The following PKP4 variants were observed in gnomAD, a reference collection of about 807,000 sequenced individuals.
The protein encoded by PKP4 is plakophilin 4.
Under a neutral mutation model 145.1 loss-of-function variants are expected in PKP4, and 90 were observed. The observed-to-expected ratio is 0.62, with a 90% CI of 0.52 to 0.74. The LOEUF is 0.74. Among genes scored for constraint, PKP4 ranks in the 30% least tolerant of loss-of-function variants. PKP4 has a pLI of 0.00. For synonymous variants in PKP4, 563 were observed against 577.2 expected (o/e 0.98, Z 0.35); for missense variants, 1,340 against 1,482.7 (o/e 0.90, Z 1.58).
At chr2:158,661,501 C>G (rs1372634405) in intron 13 of PKP4, 51 bp downstream of exon 13, 1 of 1,128,110 alleles carries the variant, frequency 8.9e-7, no homozygotes, top group Admixed American at 1.7e-5. Context: ...GACCATGATG[C>G]CTGGTGCCAC....
At position 158,470,183 on chromosome 2, in the gene PKP4, G is replaced by A. The variant is rs752799895; in HGVS notation, c.-6+12965G>A. On this transcript the variant is annotated intron_variant, in intron 1 of 21. Transcript: ENST00000389759. ...GTATTCCTAACATATAGTAAGCAACGATGCTTTCTTTGAGTGAATGAATAC... is the reference window on the plus strand; with the variant it reads ...GTATTCCTAACATATAGTAAGCAACAATGCTTTCTTTGAGTGAATGAATAC... 7.3e-5 allele frequency among the ~76,000 whole-genome samples: 11 copies of A among 150,094 alleles called. No individual in the cohort carries two copies. In the East Asian group the frequency reaches 1.4e-3, roughly 18 times the overall value.
At chr2:158,509,947 C>CAAAAA (rs11404706) in intron 1 of PKP4, among the ~76,000 whole-genome samples, 2 of 134,182 alleles carry the variant, frequency 1.5e-5, no homozygotes, top group Non-Finnish European at 3.2e-5. Flanking sequence ...AACTCCATCT[C>CAAAAA]AAAAAAAAAA....
Position 158,673,876 on chromosome 2 carries a change from T to G in PKP4, c.3010-7T>G. ...TTGAGAGGTTTCTTTTTCTCTTAAC[T>G]CTGCAGGATGGGTGGAATCAGAACC... On this transcript the variant is annotated splice_polypyrimidine_tract_variant and splice_region_variant and intron_variant, in intron 18 of 21. Coordinates refer to ENST00000389759, the MANE Select transcript of PKP4 (RefSeq NM_003628.6). The G allele has an allele frequency of 2.5e-6, 4 of 1,584,010 alleles. No individual in the cohort carries two copies. Among genetic ancestry groups the G allele is most frequent in the Non-Finnish European group, 3.5e-6 (4 of 1,152,440 alleles).
chr2:158,469,012 C>T (rs547331222), intron 1 of PKP4, among the ~76,000 whole-genome samples: 2 of 152,112 alleles, frequency 1.3e-5, no homozygotes, highest in African/African-American at 4.8e-5. Flanking sequence ...CTCCTGGCCA[C>T]AAGCAATCCT....
chr2:158,464,707 A>G (rs1332022236), intron 1 of PKP4, among the ~76,000 whole-genome samples: 3 of 152,236 alleles, frequency 2.0e-5, no homozygotes, highest in Non-Finnish European at 4.4e-5. Context: ...CTCATGTAAA[A>G]TAGAAACCAT....
At chr2:158,644,403 T>G (rs987494557) in intron 11 of PKP4, among the ~76,000 whole-genome samples, 1 of 152,142 alleles carries the variant, frequency 6.6e-6, no homozygotes, top group Admixed American at 6.5e-5. Flanking sequence ...TCAAGGATAC[T>G]TGAGATTGAG....
chr2:158,658,494 C>T, intron 12 of PKP4, 180 bp downstream of exon 12: 1 of 505,180 alleles, frequency 2.0e-6, no homozygotes, highest in Non-Finnish European at 3.4e-6. Flanking sequence ...AGACTTGTGG[C>T]CTTAAAGAAG....
intron 1 of PKP4, among the ~76,000 whole-genome samples, chr2:158,461,918 G>A (rs1689833427): frequency 2.6e-5 from 4 of 152,180 alleles, no homozygotes; most frequent in African/African-American, 9.7e-5. Context: ...TACATAAAAT[G>A]TAGACATTGG....
At chr2:158,544,741 C>A (rs1374182631) in intron 2 of PKP4, among the ~76,000 whole-genome samples, 1 of 152,178 alleles carries the variant, frequency 6.6e-6, no homozygotes, top group Admixed American at 6.6e-5. Flanking sequence ...TGCCACTACT[C>A]CAACTTATCT....
At chr2:158,515,064 T>C (rs558125166) in intron 1 of PKP4, among the ~76,000 whole-genome samples, 20 of 152,372 alleles carry the variant, frequency 1.3e-4, no homozygotes, top group Non-Finnish European at 2.4e-4. Flanking sequence ...TTTGCTTTTT[T>C]TGCCTGTGCT....
At chr2:158,522,877 C>T (rs911326015) in intron 1 of PKP4, among the ~76,000 whole-genome samples, 1 of 152,170 alleles carries the variant, frequency 6.6e-6, no homozygotes, top group African/African-American at 2.4e-5. Context: ...GACGGACGCA[C>T]CTGGAAAATC....
intron 1 of PKP4, among the ~76,000 whole-genome samples, chr2:158,490,677 T>C (rs375989236): frequency 2.6e-5 from 4 of 152,234 alleles, no homozygotes; most frequent in East Asian, 3.8e-4. Flanking sequence ...TGATTTAATC[T>C]GTCTTAAGGA....
intron 17 of PKP4, among the ~76,000 whole-genome samples, chr2:158,672,067 C>T (rs1466626063): frequency 6.6e-6 from 1 of 152,114 alleles, no homozygotes; most frequent in African/African-American, 2.4e-5. Flanking sequence ...GGAGGCCCAC[C>T]CCAGCGTGGT....
intron 2 of PKP4, among the ~76,000 whole-genome samples, chr2:158,535,973 T>C (rs966691117): frequency 6.6e-6 from 1 of 152,202 alleles, no homozygotes; most frequent in African/African-American, 2.4e-5. Flanking sequence ...CAGGTAATAA[T>C]AGTGAGGACC....
chr2:158,628,594 C>G (rs2053042154), intron 7 of PKP4, among the ~76,000 whole-genome samples: 1 of 152,090 alleles, frequency 6.6e-6, no homozygotes, highest in African/African-American at 2.4e-5. Context: ...AATAGTAATT[C>G]CAATTTACTA....
chr2:158,673,840 C>A, intron 18 of PKP4, 43 bp from the exon 19 acceptor site: 1 of 1,470,278 alleles, frequency 6.8e-7, no homozygotes, highest in Non-Finnish European at 9.5e-7. Context: ...AATGAAATGT[C>A]ATTATTCATT....
Position 158,524,254 on chromosome 2 carries a change from G to A in PKP4, c.-5-8926G>A, listed in dbSNP as rs951089383. On this transcript the variant is annotated intron_variant, in intron 1 of 21. Coordinates refer to ENST00000389759, the MANE Select transcript of PKP4 (RefSeq NM_003628.6). ...AGAGAAAGGCCGGGTTACCCTCAAA[G>A]GGAAGCCCATCAGACTAACAGCAGA... Among the ~76,000 whole-genome samples the A allele has an allele frequency of 4.1e-4, 51 of 124,514 alleles. 1 individual carries two copies. Among genetic ancestry groups the A allele is most frequent in the Non-Finnish European group, 6.2e-4 (38 of 61,380 alleles). 81.7% of individuals were successfully genotyped at this position (124,514 alleles called of 152,430 possible). A position where few individuals can be genotyped will look rare whatever the true frequency, so the allele number is the denominator to read the frequency against.
At chr2:158,612,400 A>C (rs1007356150) in intron 4 of PKP4, among the ~76,000 whole-genome samples, 7 of 152,220 alleles carry the variant, frequency 4.6e-5, no homozygotes, top group Non-Finnish European at 8.8e-5. Flanking sequence ...CCAGTTTCTT[A>C]TCAGTGAACA....
chr2:158,522,420 T>C (rs916519855), intron 1 of PKP4, among the ~76,000 whole-genome samples: 2 of 151,364 alleles, frequency 1.3e-5, no homozygotes, highest in African/African-American at 4.9e-5. Context: ...TGTTAATCAC[T>C]GATAGTTGAA....
Sources: allele counts gnomAD v4.1 joint callset (sites outside exome capture counted in the v4.1 genomes callset), GRCh38; gene constraint gnomAD v4.1.1; transcripts MANE v1.5; gene names NCBI Gene and HGNC (gene_info 2026-07-23, HGNC 2026-07-21).